TSPAN9: variants seen among roughly 807,000 people sequenced by gnomAD.
The protein encoded by TSPAN9 is tetraspanin-9.
In TSPAN9, 16 loss-of-function variants were observed where a neutral mutation model predicts 31.0. That is an observed-to-expected ratio of 0.52 (90% confidence interval 0.35 to 0.78). TSPAN9 has a LOEUF of 0.78. Ranked by LOEUF, TSPAN9 falls within the 30% of genes least tolerant of loss-of-function variation. The pLI, the probability that TSPAN9 is intolerant of heterozygous loss-of-function variation, is 0.01. For missense variants in TSPAN9, 272 were observed against 312.5 expected, an observed-to-expected ratio of 0.87 and a Z score of 0.98; for synonymous variants, 145 against 121.6, an observed-to-expected ratio of 1.19 and a Z score of -1.27.
chr12:3,164,295 G>A (rs2098347146), intron 2 of TSPAN9, among the ~76,000 whole-genome samples: 1 of 152,248 alleles, frequency 6.6e-6, no homozygotes, highest in South Asian at 2.1e-4. Context: ...GTGATGCACA[G>A]CAGAAATGAA....
At chr12:3,241,997 G>T (rs1446065644) in intron 3 of TSPAN9, among the ~76,000 whole-genome samples, 1 of 152,246 alleles carries the variant, frequency 6.6e-6, no homozygotes, top group Non-Finnish European at 1.5e-5. Context: ...CAAAGACCGA[G>T]AATTCTTCCT....
chr12:3,204,231 G>C (rs1366598633), intron 3 of TSPAN9, among the ~76,000 whole-genome samples: 1 of 152,216 alleles, frequency 6.6e-6, no homozygotes, highest in African/African-American at 2.4e-5. Flanking sequence ...GAGCCTACCA[G>C]GTATTTCTCC....
At chr12:3,231,896 G>T (rs189154313) in intron 3 of TSPAN9, among the ~76,000 whole-genome samples, 345 of 152,344 alleles carry the variant, frequency 2.3e-3, no homozygotes, top group Non-Finnish European at 3.6e-3. Flanking sequence ...CTGTGCCTGG[G>T]CCTGGCTCTC....
chr12:3,268,965 T>C (rs367846366), intron 3 of TSPAN9, among the ~76,000 whole-genome samples: 30 of 75,878 alleles, frequency 4.0e-4, no homozygotes, highest in South Asian at 6.1e-4. Context: ...GCCTGCCCTC[T>C]CTGTGTTCCT....
rs188589335 is a variant in TSPAN9 at position 3,130,822 on chromosome 12, G to T, written c.-18+47103G>T. ...CAAACTTTATTTTTGCTGTTTTCCA[G>T]CCTTCTGTTTCTTTGCACATTTTCT... On this transcript the variant is annotated intron_variant, in intron 2 of 8. Coordinates refer to ENST00000011898, the MANE Select transcript of TSPAN9 (RefSeq NM_006675.5). 5.3e-5 allele frequency among the ~76,000 whole-genome samples: 8 copies of T among 152,254 alleles called. No individual in the cohort carries two copies. The East Asian group carries it at 1.5e-3, about 29-fold the overall frequency.
chr12:3,280,088 G>A lies in TSPAN9; in HGVS notation c.331-294G>A, dbSNP rs1246697355. The stretch of plus-strand genomic sequence containing the variant: ...GGATGGGGGAGTGGAGGCACGTGGT[G>A]TGTTTTTTTGCCTCTGGGTGTTACA... On this transcript the variant is annotated intron_variant, in intron 5 of 8. Transcript: ENST00000011898. The surrounding 1 kb of genome is among the most constrained non-coding windows in gnomAD (Gnocchi z 4.5). Among the ~76,000 whole-genome samples the A allele has an allele frequency of 1.3e-5, 2 of 152,098 alleles. No homozygotes were observed. The highest frequency in any genetic ancestry group is 2.9e-5 in the Non-Finnish European group (2 of 67,982).
At chr12:3,129,213 C>T (rs187874797) in intron 2 of TSPAN9, among the ~76,000 whole-genome samples, 107 of 152,244 alleles carry the variant, frequency 7.0e-4, no homozygotes, top group Non-Finnish European at 1.2e-3. Context: ...TGTGCAGCAT[C>T]GTATTTTAAA....
At chr12:3,149,859 A>T (rs1459030680) in intron 2 of TSPAN9, 1 of 152,216 alleles carries the variant, frequency 6.6e-6, no homozygotes, top group Non-Finnish European at 1.5e-5. Context: ...CATGATTTTG[A>T]TGCAAAGGTA....
At chr12:3,241,843 G>A (rs961188413) in intron 3 of TSPAN9, among the ~76,000 whole-genome samples, 2 of 152,224 alleles carry the variant, frequency 1.3e-5, no homozygotes, top group Non-Finnish European at 2.9e-5. Context: ...CACTGGGGCC[G>A]TGTCCTGGCC....
intron 2 of TSPAN9, among the ~76,000 whole-genome samples, chr12:3,191,416 C>T (rs1360415715): frequency 6.6e-6 from 1 of 152,182 alleles, no homozygotes; most frequent in East Asian, 1.9e-4. Context: ...CCCCTTCCCC[C>T]CTGCCTGTCC....
chr12:3,118,669 C>A (rs1289346411), intron 2 of TSPAN9, among the ~76,000 whole-genome samples: 1 of 151,624 alleles, frequency 6.6e-6, no homozygotes, highest in Non-Finnish European at 1.5e-5. Flanking sequence ...ACCTGCAGCC[C>A]TTGGCCTCCT....
chr12:3,203,908 TG>T, intron 3 of TSPAN9, among the ~76,000 whole-genome samples: 1 of 152,252 alleles, frequency 6.6e-6, no homozygotes, highest in South Asian at 2.1e-4. Context: ...TCCTGCAGGC[TG>T]GTGCTTGGCC....
At chr12:3,171,559 C>CT (rs2098351858) in intron 2 of TSPAN9, 1 of 152,212 alleles carries the variant, frequency 6.6e-6, no homozygotes, top group Non-Finnish European at 1.5e-5. Flanking sequence ...GTGAATAGAT[C>CT]TGATAGATAA....
At chr12:3,210,121 A>T (rs2098377772) in intron 3 of TSPAN9, among the ~76,000 whole-genome samples, 1 of 140,820 alleles carries the variant, frequency 7.1e-6, no homozygotes, top group Non-Finnish European at 1.6e-5. Context: ...GCAACAGAGC[A>T]AGACTCCGTC....
At chr12:3,105,289 C>T (rs59941056) in intron 2 of TSPAN9, among the ~76,000 whole-genome samples, 5,874 of 152,242 alleles carry the variant, frequency 0.039, 392 homozygotes, top group African/African-American at 0.13. Context: ...CTTCTGTTTC[C>T]GAGTGAAGTC....
At chr12:3,102,670 C>G (rs970806928) in intron 2 of TSPAN9, among the ~76,000 whole-genome samples, 1 of 152,062 alleles carries the variant, frequency 6.6e-6, no homozygotes, top group Non-Finnish European at 1.5e-5. Context: ...ATCTCCTGAC[C>G]TCGTGATCCG....
intron 2 of TSPAN9, among the ~76,000 whole-genome samples, chr12:3,091,050 C>T (rs1180911732): frequency 1.3e-5 from 2 of 152,256 alleles, no homozygotes; most frequent in African/African-American, 2.4e-5. Flanking sequence ...TCAAACCTTC[C>T]TGCCCTCTGC....
chr12:3,079,303 C>A (rs2098296676), intron 1 of TSPAN9, among the ~76,000 whole-genome samples: 1 of 151,780 alleles, frequency 6.6e-6, no homozygotes, highest in African/African-American at 2.4e-5. Flanking sequence ...TAATTGCCTT[C>A]TTATAGGTTA....
chr12:3,131,236 T>G (rs1023795635), intron 2 of TSPAN9, among the ~76,000 whole-genome samples: 1 of 138,964 alleles, frequency 7.2e-6, no homozygotes, highest in Non-Finnish European at 1.6e-5. Flanking sequence ...GTTGGTGGTG[T>G]TAATTGCAGT....
Sources: allele counts gnomAD v4.1 joint callset (sites outside exome capture counted in the v4.1 genomes callset), GRCh38; gene constraint gnomAD v4.1.1; non-coding constraint Gnocchi (gnomAD v3.1); transcripts MANE v1.5; gene names NCBI Gene and HGNC (gene_info 2026-07-23, HGNC 2026-07-21).